The following POLK variants were observed in gnomAD, a reference collection of about 807,000 sequenced individuals.
POLK encodes the protein polymerase (DNA directed) kappa.
Under a neutral mutation model 94.0 loss-of-function variants are expected in POLK, and 76 were observed. That is an observed-to-expected ratio of 0.81 (90% CI 0.67 to 0.98). The LOEUF is 0.98. Ranked by LOEUF, POLK falls within the 50% of genes least tolerant of loss-of-function variation. POLK has a pLI of 0.00. For missense variants in POLK, 954 were observed against 1,010.1 expected, an observed-to-expected ratio of 0.94 and a Z score of 0.75; for synonymous variants, 349 against 325.4, an observed-to-expected ratio of 1.07 and a Z score of -0.78.
rs1259237126 is a variant in POLK at position 75,574,563 on chromosome 5, T to C, written c.540+694T>C. 4.6e-5 allele frequency among the ~76,000 whole-genome samples: 7 copies of C among 152,218 alleles called. No individual in the cohort carries two copies. In the East Asian group the frequency reaches 1.3e-3, roughly 29 times the overall value. On this transcript the variant is annotated intron_variant, in intron 5 of 14. Coordinates refer to ENST00000241436, the Ensembl canonical transcript of POLK. ...ATACTTTTAGACTGCTATAGTAAAA[T>C]GTGTTTAAGACTGCTGCCTGAATGG...
At chr5:75,559,621 C>T (rs1486886361) in intron 3 of POLK, among the ~76,000 whole-genome samples, 1 of 147,638 alleles carries the variant, frequency 6.8e-6, no homozygotes, top group African/African-American at 2.5e-5. Context: ...ACTACAACCT[C>T]CAACTACTGG....
At chr5:75,538,685 T>C (rs1020738873) in intron 1 of POLK, 49 of 152,320 alleles carry the variant, frequency 3.2e-4, no homozygotes, top group African/African-American at 1.2e-3. Flanking sequence ...ATAATTATTT[T>C]TACTAATTTA....
At chr5:75,531,849 G>A (rs1342799647) in intron 1 of POLK, among the ~76,000 whole-genome samples, 1 of 152,058 alleles carries the variant, frequency 6.6e-6, no homozygotes, top group East Asian at 1.9e-4. Context: ...GAGGGTCAAG[G>A]ATATGAGCAC....
chr5:75,559,939 A>G (rs988531493), intron 3 of POLK, among the ~76,000 whole-genome samples: 3 of 152,212 alleles, frequency 2.0e-5, no homozygotes, highest in African/African-American at 7.2e-5. Context: ...AGTCTCCTCA[A>G]TGTAATAGAA....
chr5:75,568,502 T>A (rs1454803797), intron 3 of POLK, among the ~76,000 whole-genome samples: 2 of 152,224 alleles, frequency 1.3e-5, no homozygotes, highest in Admixed American at 1.3e-4. Flanking sequence ...ACTTGCTTCC[T>A]TTGTTTATTT....
chr5:75,519,635 C>T (rs1768477047), intron 1 of POLK, among the ~76,000 whole-genome samples: 1 of 152,178 alleles, frequency 6.6e-6, no homozygotes, highest in Admixed American at 6.5e-5. Flanking sequence ...TAGTGACCTT[C>T]TTGCTCACTT....
intron 1 of POLK, among the ~76,000 whole-genome samples, chr5:75,536,796 C>T (rs920085731): frequency 1.3e-5 from 2 of 152,164 alleles, no homozygotes; most frequent in Non-Finnish European, 2.9e-5. Flanking sequence ...CAACAGGAAG[C>T]TGAGCCCTCC....
At position 75,515,012 on chromosome 5, in the gene POLK, C is replaced by T. The variant is rs182501369; in HGVS notation, c.-14+3098C>T. Among the ~76,000 whole-genome samples, 477 of 152,178 alleles carry T rather than the reference C, an allele frequency of 3.1e-3. 4 individuals carry two copies. Among genetic ancestry groups the T allele is most frequent in the Non-Finnish European group, 2.3e-3 (159 of 68,012 alleles). On this transcript the variant is annotated intron_variant, in intron 1 of 14. Transcript: ENST00000241436. ...CAGTTTTCTTAAAAGAAAATTCATC[C>T]ACATGCATTTTTAAGGTGCAGTAAC...
intron 6 of POLK, among the ~76,000 whole-genome samples, chr5:75,578,157 A>T (rs372865318): frequency 6.6e-6 from 1 of 151,972 alleles, no homozygotes; most frequent in Non-Finnish European, 1.5e-5. Context: ...TTTTCTACTA[A>T]TTTTTTTCTT....
In POLK at chr5:75,581,458, AGAGTATT is replaced by A. The variant is rs1332487164; in HGVS notation, c.934+13_934+19del. On this transcript the variant is annotated intron_variant, in intron 7 of 14. Coordinates refer to ENST00000241436, the Ensembl canonical transcript of POLK. Reference sequence around the variant, plus strand: ...CTGACAGCCAGTGCAGGTATTTAAAAGAGTATTGATGGCCACTGTAGTTATAATTTTC... The same window carrying A: ...CTGACAGCCAGTGCAGGTATTTAAAAGATGGCCACTGTAGTTATAATTTTC... 1 of 1,611,104 alleles carries A rather than the reference AGAGTATT, an allele frequency of 6.2e-7. No individual in the cohort carries two copies. The highest frequency in any genetic ancestry group is 8.5e-7 in the Non-Finnish European group (1 of 1,177,518).
At chr5:75,522,459 CTATTT>C in intron 1 of POLK, among the ~76,000 whole-genome samples, 1 of 152,148 alleles carries the variant, frequency 6.6e-6, no homozygotes, top group South Asian at 2.1e-4. Context: ...CTTCTACTTA[CTATTT>C]TGGAACCCAA....
chr5:75,571,423 G>T (rs1338784450), intron 4 of POLK, among the ~76,000 whole-genome samples: 1 of 152,160 alleles, frequency 6.6e-6, no homozygotes, highest in East Asian at 1.9e-4. Context: ...CCAGTATTTA[G>T]TGGACAGCCA....
chr5:75,561,030 G>A (rs1240618699), intron 3 of POLK, among the ~76,000 whole-genome samples: 2 of 152,022 alleles, frequency 1.3e-5, no homozygotes, highest in Non-Finnish European at 2.9e-5. Flanking sequence ...TATATAACTG[G>A]TAATGGGATT....
intron 1 of POLK, among the ~76,000 whole-genome samples, chr5:75,534,418 A>G (rs1187536235): frequency 5.9e-5 from 9 of 152,088 alleles, no homozygotes; most frequent in African/African-American, 2.2e-4. Context: ...TTCAGGGATG[A>G]TGAGTTTGGT....
intron 1 of POLK, chr5:75,512,141 C>T: frequency 4.3e-6 from 1 of 230,116 alleles, no homozygotes; most frequent in South Asian, 8.9e-5. Flanking sequence ...GAGCATCTGG[C>T]CGCTTCCGCC....
chr5:75,512,810 G>C (rs1427460181), intron 1 of POLK: 1 of 152,200 alleles, frequency 6.6e-6, no homozygotes, highest in East Asian at 1.9e-4. Context: ...AGGATGGGAC[G>C]ATAGGAGCGA....
At chr5:75,522,077 A>C (rs1165150302) in intron 1 of POLK, among the ~76,000 whole-genome samples, 1 of 152,190 alleles carries the variant, frequency 6.6e-6, no homozygotes, top group African/African-American at 2.4e-5. Context: ...TCTGTCTCTG[A>C]GTGTCCTCAG....
Position 75,589,388 on chromosome 5 carries a change from T to TACACACACACACACACACACAC in POLK, c.1260-927_1260-906dup, listed in dbSNP as rs71600465. On this transcript the variant is annotated intron_variant, in intron 10 of 14. Coordinates refer to ENST00000241436, the Ensembl canonical transcript of POLK. ...TGCTTATTTTATATATATACACACA[T>TACACACACACACACACACACAC]ACACACACACACACACACACACACA... Among the ~76,000 whole-genome samples the TACACACACACACACACACACAC allele has an allele frequency of 7.1e-4, 91 of 128,302 alleles. 1 individual carries two copies. Among genetic ancestry groups the TACACACACACACACACACACAC allele is most frequent in the Non-Finnish European group, 8.6e-4 (53 of 61,384 alleles). The allele number at this position is 128,302 out of a possible 152,430, so 84.2% of individuals were successfully genotyped here. A position where few individuals can be genotyped will look rare whatever the true frequency, so the allele number is the denominator to read the frequency against.
At chr5:75,604,071 A>C (rs897212213), downstream of POLK, among the ~76,000 whole-genome samples, 1 of 152,206 alleles carries the variant, frequency 6.6e-6, no homozygotes, top group African/African-American at 2.4e-5. Context: ...TAAATGAATA[A>C]ATAGTATGTG....
Sources: gnomAD v4.1 joint callset for allele counts (sites outside exome capture counted in the v4.1 genomes callset) on GRCh38, gnomAD v4.1.1 for gene constraint, MANE v1.5 for transcripts, NCBI Gene and HGNC (gene_info 2026-07-23, HGNC 2026-07-21) for gene names.